Variants in ARHGEF10L observed in about 807,000 individuals in gnomAD.
The protein encoded by ARHGEF10L is rho guanine nucleotide exchange factor 10-like protein.
A neutral mutation model predicts 141.2 loss-of-function variants in ARHGEF10L; 69 were observed. That is an observed-to-expected ratio of 0.49 (90% CI 0.40 to 0.60). The LOEUF (loss-of-function observed/expected upper bound fraction) is 0.60. Ranked by LOEUF, ARHGEF10L falls within the 20% of genes least tolerant of loss-of-function variation. ARHGEF10L has a pLI of 0.00. For missense variants in ARHGEF10L, 1,482 were observed against 1,734.3 expected (o/e 0.85, Z 2.58); for synonymous variants, 711 against 718.5 (o/e 0.99, Z 0.17).
chr1:17,541,922 G>A (rs187012470), intron 1 of ARHGEF10L, among the ~76,000 whole-genome samples: 7 of 152,070 alleles, frequency 4.6e-5, no homozygotes, highest in Non-Finnish European at 2.9e-5. Context: ...AGCCAAGATC[G>A]CACCATTGCA....
At chr1:17,530,107 A>C in the ARHGEF10L span, among the ~76,000 whole-genome samples, 2 of 152,088 alleles carry the variant, frequency 1.3e-5, no homozygotes, top group African/African-American at 4.8e-5. Flanking sequence ...TGCTGAGATT[A>C]CAGATGTGAG....
At chr1:17,689,957 G>A (rs1006907519) in intron 27 of ARHGEF10L, 7 of 410,438 alleles carry the variant, frequency 1.7e-5, no homozygotes, top group Non-Finnish European at 2.4e-5. Flanking sequence ...GCACCTTCAC[G>A]CCCGTTGTCT....
the ARHGEF10L span, among the ~76,000 whole-genome samples, chr1:17,534,284 G>A: frequency 3.3e-4 from 50 of 152,156 alleles, no homozygotes; most frequent in African/African-American, 9.9e-4. Context: ...CTCCACGCCC[G>A]GCTAATCTTT....
intron 28 of ARHGEF10L, 55 bp from the exon 29 acceptor site, chr1:17,696,793 T>C: frequency 2.0e-6 from 3 of 1,487,282 alleles, no homozygotes; most frequent in Non-Finnish European, 1.8e-6. Flanking sequence ...CTCAGGTGCT[T>C]CCCTTAATGC....
chr1:17,548,543 C>T (rs2076993348), intron 1 of ARHGEF10L, among the ~76,000 whole-genome samples: 1 of 151,772 alleles, frequency 6.6e-6, no homozygotes, highest in Admixed American at 6.6e-5. Context: ...TTTATGTCAC[C>T]TTTACAAAGG....
intron 19 of ARHGEF10L, among the ~76,000 whole-genome samples, 163 bp from the exon 20 acceptor site, chr1:17,638,399 G>A (rs1173318328): frequency 6.6e-6 from 1 of 152,212 alleles, no homozygotes; most frequent in Non-Finnish European, 1.5e-5. Context: ...CTGGGGCATG[G>A]CGAGTTGGCC....
chr1:17,552,442 C>T (rs1046724341), intron 1 of ARHGEF10L, among the ~76,000 whole-genome samples: 18 of 152,042 alleles, frequency 1.2e-4, no homozygotes, highest in African/African-American at 3.4e-4. Context: ...CTGTGTCACC[C>T]GGCTGCAGTG....
intron 6 of ARHGEF10L, among the ~76,000 whole-genome samples, chr1:17,605,498 C>T (rs2081085417): frequency 6.6e-6 from 1 of 152,220 alleles, no homozygotes; most frequent in Non-Finnish European, 1.5e-5. Context: ...GGGCTGCACA[C>T]AGGCACAAGA....
At chr1:17,628,001 A>G (rs2060478370) in intron 15 of ARHGEF10L, among the ~76,000 whole-genome samples, 1 of 151,914 alleles carries the variant, frequency 6.6e-6, no homozygotes, top group African/African-American at 2.4e-5. Flanking sequence ...AGTCCATGCC[A>G]TGTTTTGGGG....
the ARHGEF10L span, among the ~76,000 whole-genome samples, chr1:17,524,216 T>A: frequency 2.6e-5 from 4 of 150,988 alleles, no homozygotes; most frequent in African/African-American, 9.8e-5. Flanking sequence ...GAGGTTGCAG[T>A]GAGCTGAGAT....
At chr1:17,679,567 G>A (rs1253177945) in intron 26 of ARHGEF10L, among the ~76,000 whole-genome samples, 2 of 152,280 alleles carry the variant, frequency 1.3e-5, no homozygotes, top group Admixed American at 6.5e-5. Flanking sequence ...TAAGCAGCGC[G>A]ACTTTGCACA....
chr1:17,572,001 C>T (rs992329590), intron 1 of ARHGEF10L, among the ~76,000 whole-genome samples: 6 of 152,226 alleles, frequency 3.9e-5, no homozygotes, highest in Middle Eastern at 3.2e-3. Flanking sequence ...TGGGGGGGCT[C>T]CTCCAGTTGC....
At chr1:17,596,614 T>C (rs2080128442) in intron 4 of ARHGEF10L, among the ~76,000 whole-genome samples, 1 of 152,000 alleles carries the variant, frequency 6.6e-6, no homozygotes, top group East Asian at 1.9e-4. Context: ...GTTTTGGGGG[T>C]CTCCTCCCCG....
intron 27 of ARHGEF10L, among the ~76,000 whole-genome samples, chr1:17,693,770 T>C (rs2065277974): frequency 6.6e-6 from 1 of 152,164 alleles, no homozygotes; most frequent in Admixed American, 6.5e-5. Flanking sequence ...TTTTTTCAAA[T>C]GTGATCCATG....
intron 7 of ARHGEF10L, among the ~76,000 whole-genome samples, chr1:17,611,649 T>C (rs1399480490): frequency 6.6e-6 from 1 of 152,120 alleles, no homozygotes; most frequent in Non-Finnish European, 1.5e-5. Flanking sequence ...TTCCATTTTT[T>C]GAATACTTAA....
chr1:17,635,055 C>G, intron 18 of ARHGEF10L, 39 bp downstream of exon 18: 1 of 1,608,736 alleles, frequency 6.2e-7, no homozygotes, highest in African/African-American at 1.3e-5. Context: ...TCGTCACCCT[C>G]GCCCTCACCA....
At chr1:17,618,789 G>A (rs1006976184) in intron 9 of ARHGEF10L, among the ~76,000 whole-genome samples, 2 of 152,158 alleles carry the variant, frequency 1.3e-5, no homozygotes, top group South Asian at 2.1e-4. Context: ...TCCGTCCTCC[G>A]TCTGAGGTCC....
In ARHGEF10L at chr1:17,607,083, T is replaced by C. The variant is rs1354579677; in HGVS notation, c.434-719T>C. Among the ~76,000 whole-genome samples, 2 of 152,228 alleles carry C rather than the reference T, an allele frequency of 1.3e-5. No individual in the cohort carries two copies. The highest frequency in any genetic ancestry group is 2.1e-4 in the South Asian group (1 of 4,834). ...AAGTCAGATTTGGGGTGAGGAGCCC[T>C]GAGGCCCCAACAATCTCTGTTTCAT... On this transcript the variant is annotated intron_variant, in intron 6 of 28. Transcript: ENST00000361221. The surrounding 1 kb of genome is among the most constrained non-coding windows in gnomAD (Gnocchi z 4.5).
chr1:17,581,537 A>G (rs762661673), intron 2 of ARHGEF10L, among the ~76,000 whole-genome samples: 1 of 151,984 alleles, frequency 6.6e-6, no homozygotes, highest in Non-Finnish European at 1.5e-5. Context: ...TTGTATCACT[A>G]TGAGAGAGGC....
Sources: gnomAD v4.1 joint callset for allele counts (sites outside exome capture counted in the v4.1 genomes callset) on GRCh38, gnomAD v4.1.1 for gene constraint, Gnocchi (gnomAD v3.1) non-coding constraint, MANE v1.5 for transcripts, NCBI Gene and HGNC (gene_info 2026-07-23, HGNC 2026-07-21) for gene names.